SBF2: variants seen among roughly 807,000 people sequenced by gnomAD.
The protein encoded by SBF2 is SET binding factor 2.
Under a neutral mutation model 225.2 loss-of-function variants are expected in SBF2, and 112 were observed. The observed-to-expected ratio is 0.50, with a 90% CI of 0.43 to 0.58. The LOEUF is 0.58. Ranked by LOEUF, SBF2 falls within the 20% of genes least tolerant of loss-of-function variation. The probability of loss-of-function intolerance (pLI) is 0.00; values close to 1 mark genes in which losing one functional copy is unlikely to be tolerated. For missense variants in SBF2, 1,996 were observed against 2,206.2 expected (o/e 0.90, Z 1.91); for synonymous variants, 763 against 773.3 (o/e 0.99, Z 0.22).
intron 2 of SBF2, among the ~76,000 whole-genome samples, chr11:10,062,449 G>A (rs1565186786): frequency 6.6e-6 from 1 of 152,022 alleles, no homozygotes; most frequent in East Asian, 1.9e-4. Flanking sequence ...ATCTGACAAA[G>A]GTCCAATATC....
intron 1 of SBF2, among the ~76,000 whole-genome samples, chr11:10,284,639 T>C (rs1421744955): frequency 1.3e-5 from 2 of 151,464 alleles, no homozygotes; most frequent in Non-Finnish European, 2.9e-5. Context: ...CAGGCTGGAG[T>C]TTGTTCCGTT....
chr11:9,991,417 G>T (rs1352166578), intron 12 of SBF2, among the ~76,000 whole-genome samples: 1 of 152,032 alleles, frequency 6.6e-6, no homozygotes, highest in Admixed American at 6.6e-5. Context: ...CTGAACCAAA[G>T]ATATTTAAGA....
At chr11:10,025,692 C>CGGG (rs1949027556) in intron 6 of SBF2, among the ~76,000 whole-genome samples, 1 of 152,104 alleles carries the variant, frequency 6.6e-6, no homozygotes, top group East Asian at 1.9e-4. Flanking sequence ...CTCCTCCTCC[C>CGGG]GGGTTCAAGC....
intron 6 of SBF2, among the ~76,000 whole-genome samples, chr11:10,021,665 C>T (rs1260956417): frequency 1.3e-5 from 2 of 152,116 alleles, no homozygotes; most frequent in East Asian, 3.9e-4. Context: ...TACATTTAGA[C>T]CTTTCACAGG....
chr11:9,980,044 G>A (rs1378006902), intron 13 of SBF2, among the ~76,000 whole-genome samples: 1 of 147,950 alleles, frequency 6.8e-6, no homozygotes, highest in East Asian at 2.0e-4. Flanking sequence ...GCAGTGGTGT[G>A]ATCTCGGCTC....
intron 1 of SBF2, among the ~76,000 whole-genome samples, chr11:10,299,999 T>C (rs1048606749): frequency 2.0e-5 from 3 of 152,160 alleles, no homozygotes; most frequent in African/African-American, 4.8e-5. Context: ...AGGCCTCTTT[T>C]CTCTATCATT....
chr11:9,871,370 G>A (rs940852379), intron 17 of SBF2, among the ~76,000 whole-genome samples: 1 of 151,142 alleles, frequency 6.6e-6, no homozygotes, highest in East Asian at 1.9e-4. Flanking sequence ...ACATACATGT[G>A]GCCAACAAAC....
chr11:10,022,887 G>A (rs1395774003), intron 6 of SBF2, among the ~76,000 whole-genome samples: 1 of 152,090 alleles, frequency 6.6e-6, no homozygotes, highest in Non-Finnish European at 1.5e-5. Context: ...AGTTTAATGT[G>A]TTCCTCTATT....
intron 32 of SBF2, among the ~76,000 whole-genome samples, chr11:9,796,169 T>TA (rs397848218): frequency 2.6e-5 from 4 of 151,906 alleles, no homozygotes; most frequent in African/African-American, 9.7e-5. Flanking sequence ...TTTTTTTTTT[T>TA]AAATAAACAT....
intron 19 of SBF2, 124 bp from the exon 20 acceptor site, chr11:9,853,836 C>A: frequency 1.1e-6 from 1 of 883,860 alleles, no homozygotes; most frequent in South Asian, 1.3e-5. Flanking sequence ...GTAGAAGGCT[C>A]ACTTAACTCC....
At chr11:10,164,313 C>G (rs943749056) in intron 2 of SBF2, among the ~76,000 whole-genome samples, 1 of 152,060 alleles carries the variant, frequency 6.6e-6, no homozygotes, top group Non-Finnish European at 1.5e-5. Flanking sequence ...TACATTTCCT[C>G]AAAAAAATTC....
intron 1 of SBF2, among the ~76,000 whole-genome samples, chr11:10,268,356 C>T (rs7942109): frequency 0.021 from 3,215 of 151,976 alleles, 87 homozygotes; most frequent in African/African-American, 0.063. Context: ...ACTATAAGGA[C>T]AGAATGTTTG....
At position 9,808,975 on chromosome 11, in the gene SBF2, C is replaced by A. The variant is rs1017765700; in HGVS notation, c.4183G>T (p.Val1395Phe). The change falls in exon 31 of 40, where the codon GTT (valine) becomes TTT (phenylalanine). Residue 1395 changes from valine (V) to phenylalanine (F), a missense_variant. By Grantham distance (50) the Val-to-Phe change is conservative. Transcript: ENST00000256190. Reference protein sequence around the residue: ...QLHRIMQLAVVVSEVLENGSS... With the variant: ...QLHRIMQLAVFVSEVLENGSS... ...CCATTCTCAAGTACTTCTGATACAA[C>A]CACAGCCAGCTGCATTATCCTGTGA... 3.1e-6 allele frequency: 5 copies of A among 1,613,884 alleles called. No individual in the cohort carries two copies. In the African/African-American group the frequency reaches 6.7e-5, roughly 22 times the overall value.
chr11:10,138,495 T>C (rs868769032), intron 2 of SBF2, among the ~76,000 whole-genome samples: 1 of 152,026 alleles, frequency 6.6e-6, no homozygotes, highest in African/African-American at 2.4e-5. Context: ...TTCTTACTGC[T>C]TGGCTTAACT....
intron 21 of SBF2, among the ~76,000 whole-genome samples, chr11:9,851,048 A>G (rs1856893863): frequency 6.6e-6 from 1 of 150,816 alleles, no homozygotes; most frequent in African/African-American, 2.4e-5. Context: ...AGGCAGGAGA[A>G]TCGCTTGAAC....
At chr11:9,900,962 A>T (rs1861677788) in intron 16 of SBF2, among the ~76,000 whole-genome samples, 1 of 150,660 alleles carries the variant, frequency 6.6e-6, no homozygotes, top group Admixed American at 6.6e-5. Context: ...CTGGTCTTGG[A>T]CTCCTGCTTC....
intron 22 of SBF2, among the ~76,000 whole-genome samples, chr11:9,849,314 A>C (rs1237881159): frequency 6.6e-6 from 1 of 152,224 alleles, no homozygotes; most frequent in Admixed American, 6.5e-5. Context: ...TAAGTGATTT[A>C]AGTCACTGAG....
chr11:10,285,937 T>C (rs1001056096), intron 1 of SBF2, among the ~76,000 whole-genome samples: 8 of 152,024 alleles, frequency 5.3e-5, no homozygotes, highest in African/African-American at 1.9e-4. Flanking sequence ...CCCGAAAAGG[T>C]GTTCAGCATT....
Position 10,042,861 on chromosome 11 carries a change from C to G in SBF2, c.262G>C (p.Ala88Pro). 6.2e-7 allele frequency: 1 copy of G among 1,613,958 alleles called. No individual in the cohort carries two copies. Among genetic ancestry groups the G allele is most frequent in the Non-Finnish European group, 8.5e-7 (1 of 1,179,862 alleles). Residue 88 changes from alanine (A) to proline (P), a missense_variant, in exon 3 of 40, where the codon GCA becomes CCA. Ala to Pro is a conservative substitution (Grantham distance 27, BLOSUM62 -1). Coordinates refer to ENST00000256190, the MANE Select transcript of SBF2 (RefSeq NM_030962.4). ...HYCSCLTFYE[A>P]EINLQGTKKE... Reference sequence around the variant, plus strand: ...TTTTGTACCTGAAGATTGATCTCTGCCTCATAGAAGGTTAGGCATGAGCAG... The same window carrying G: ...TTTTGTACCTGAAGATTGATCTCTGGCTCATAGAAGGTTAGGCATGAGCAG...
Sources: allele counts gnomAD v4.1 joint callset (sites outside exome capture counted in the v4.1 genomes callset), GRCh38; gene constraint gnomAD v4.1.1; transcripts MANE v1.5; gene names NCBI Gene and HGNC (gene_info 2026-07-23, HGNC 2026-07-21).